Variants in HDAC9 observed in about 807,000 individuals in gnomAD.
HDAC9 encodes the protein MEF-2 interacting transcription repressor (MITR) protein.
In HDAC9, 41 loss-of-function variants were observed where a neutral mutation model predicts 139.4. That is an observed-to-expected ratio of 0.29 (90% CI 0.23 to 0.38). The LOEUF (loss-of-function observed/expected upper bound fraction) is 0.38, where lower values mean the gene tolerates loss of function less well. HDAC9 is among the 10% of genes least tolerant of loss of function. The pLI is 1.00. For synonymous variants in HDAC9, 517 were observed against 476.2 expected, an observed-to-expected ratio of 1.09 and a Z score of -1.12; for missense variants, 1,147 against 1,297.0, an observed-to-expected ratio of 0.88 and a Z score of 1.78.
chr7:18,665,780 C>T (rs566026582), intron 11 of HDAC9, among the ~76,000 whole-genome samples: 4 of 152,194 alleles, frequency 2.6e-5, no homozygotes, highest in South Asian at 2.1e-4. Context: ...GCTTTCATAG[C>T]GTTTAACATT....
At chr7:18,748,512 G>T (rs1422611296) in intron 13 of HDAC9, among the ~76,000 whole-genome samples, 2 of 152,180 alleles carry the variant, frequency 1.3e-5, no homozygotes, top group Non-Finnish European at 1.5e-5. Flanking sequence ...AGGATAGGCA[G>T]AGTGGGAAAA....
At chr7:18,663,529 A>T (rs907603411) in intron 11 of HDAC9, among the ~76,000 whole-genome samples, 1 of 151,728 alleles carries the variant, frequency 6.6e-6, no homozygotes, top group Non-Finnish European at 1.5e-5. Flanking sequence ...CTAATCTTTC[A>T]TCCGGTACTC....
At chr7:18,386,595 CACTT>C (rs1785951511) in intron 1 of HDAC9, among the ~76,000 whole-genome samples, 1 of 152,184 alleles carries the variant, frequency 6.6e-6, no homozygotes, top group African/African-American at 2.4e-5. Context: ...GGGAATTAAA[CACTT>C]ACAAGAACAT....
chr7:18,219,045 T>G (rs1457510403), intron 2 of HDAC9, among the ~76,000 whole-genome samples: 1 of 152,192 alleles, frequency 6.6e-6, no homozygotes, highest in Non-Finnish European at 1.5e-5. Context: ...GATGCCTAAC[T>G]TCTTATGTGC....
chr7:18,527,484 G>T (rs1485906223), intron 2 of HDAC9, among the ~76,000 whole-genome samples: 1 of 152,126 alleles, frequency 6.6e-6, no homozygotes, highest in African/African-American at 2.4e-5. Context: ...TGAACGATAT[G>T]TTGTGGCTCA....
At chr7:18,530,000 G>C (rs1808330486) in intron 2 of HDAC9, among the ~76,000 whole-genome samples, 1 of 152,086 alleles carries the variant, frequency 6.6e-6, no homozygotes, top group Non-Finnish European at 1.5e-5. Context: ...GTCGGGCACG[G>C]TGGTTCACTT....
At chr7:18,798,485 C>T (rs971571565) in intron 17 of HDAC9, among the ~76,000 whole-genome samples, 1 of 152,122 alleles carries the variant, frequency 6.6e-6, no homozygotes, top group Non-Finnish European at 1.5e-5. Context: ...GGTAGCCTTA[C>T]CAAATCACAG....
chr7:18,683,981 G>A (rs1337395237), intron 12 of HDAC9, among the ~76,000 whole-genome samples: 1 of 151,852 alleles, frequency 6.6e-6, no homozygotes, highest in African/African-American at 2.4e-5. Flanking sequence ...GTTAGACCAG[G>A]CGCAGTGGCT....
intron 13 of HDAC9, among the ~76,000 whole-genome samples, chr7:18,732,998 T>C (rs570417577): frequency 2.2e-4 from 31 of 143,088 alleles, no homozygotes; most frequent in Admixed American, 1.4e-3. Context: ...TGTGTATGTG[T>C]ATATACACAT....
chr7:18,947,161 AT>A (rs1181699363), intron 23 of HDAC9, among the ~76,000 whole-genome samples: 1 of 152,066 alleles, frequency 6.6e-6, no homozygotes, highest in East Asian at 1.9e-4. Context: ...AAATGTATAT[AT>A]TAGAAAAGAA....
At chr7:18,087,074 A>G (rs1417225260) in exon 1 of HDAC9, 1 of 151,996 alleles carries the variant, frequency 6.6e-6, no homozygotes, top group African/African-American at 2.4e-5. Context: ...CCCCGAGTCA[A>G]CTTTCATTCC....
At chr7:18,528,343 T>C (rs1039093958) in intron 2 of HDAC9, among the ~76,000 whole-genome samples, 38 of 151,486 alleles carry the variant, frequency 2.5e-4, no homozygotes, top group African/African-American at 9.0e-4. Flanking sequence ...GAAATACTAA[T>C]ATAGCATATT....
chr7:18,824,721 T>G (rs62448067), intron 17 of HDAC9, among the ~76,000 whole-genome samples: 1 of 152,108 alleles, frequency 6.6e-6, no homozygotes, highest in Non-Finnish European at 1.5e-5. Flanking sequence ...CTTTGTGGCT[T>G]GCAGACAGCC....
chr7:18,804,090 A>G (rs966439787), intron 17 of HDAC9, among the ~76,000 whole-genome samples: 6 of 152,190 alleles, frequency 3.9e-5, no homozygotes, highest in Admixed American at 6.5e-5. Context: ...GATGAAAGAG[A>G]GCTAGAGGAA....
chr7:18,929,321 T>G (rs1416424125), intron 22 of HDAC9, among the ~76,000 whole-genome samples: 10 of 152,194 alleles, frequency 6.6e-5, no homozygotes, highest in African/African-American at 2.4e-4. Context: ...ATTCTATTTT[T>G]ATAATCAAAA....
At chr7:18,616,344 CTTACTACCCCT>C (rs1178172834) in intron 6 of HDAC9, among the ~76,000 whole-genome samples, 2 of 152,172 alleles carry the variant, frequency 1.3e-5, no homozygotes. Context: ...TGTACTTTGA[CTTACTACCCCT>C]TTACTATTTT....
intron 16 of HDAC9, among the ~76,000 whole-genome samples, chr7:18,791,947 T>C (rs1425619624): frequency 6.6e-6 from 1 of 152,188 alleles, no homozygotes; most frequent in Non-Finnish European, 1.5e-5. Context: ...CATTAATTAA[T>C]TAATTCTCCA....
intron 17 of HDAC9, among the ~76,000 whole-genome samples, chr7:18,811,215 T>G (rs1338648710): frequency 6.6e-6 from 1 of 151,824 alleles, no homozygotes; most frequent in East Asian, 1.9e-4. Flanking sequence ...TTTGTTAATA[T>G]TCGTTACTTT....
chr7:18,403,057 T>G (rs1438026816), intron 1 of HDAC9, among the ~76,000 whole-genome samples: 1 of 152,200 alleles, frequency 6.6e-6, no homozygotes, highest in Admixed American at 6.5e-5. Flanking sequence ...TATGTTTACA[T>G]TTCATTTCAT....
Sources: gnomAD v4.1 joint callset for allele counts (sites outside exome capture counted in the v4.1 genomes callset) on GRCh38, gnomAD v4.1.1 for gene constraint, MANE v1.5 for transcripts, NCBI Gene and HGNC (gene_info 2026-07-23, HGNC 2026-07-21) for gene names.